CFAP95: variants seen among roughly 807,000 people sequenced by gnomAD.
CFAP95 encodes cilia- and flagella-associated protein 95.
the CFAP95 span, among the ~76,000 whole-genome samples, chr9:69,892,463 T>C: frequency 1.3e-5 from 2 of 152,226 alleles, no homozygotes; most frequent in Non-Finnish European, 2.9e-5. Context: ...TATTGTTTAA[T>C]GAGGCTCTTT....
At chr9:69,835,500 T>C in the CFAP95 span, among the ~76,000 whole-genome samples, 1 of 152,246 alleles carries the variant, frequency 6.6e-6, no homozygotes, top group Non-Finnish European at 1.5e-5. Context: ...TCTATATGCA[T>C]AATTACTCCC....
chr9:69,841,432 G>A, the CFAP95 span, among the ~76,000 whole-genome samples: 1 of 151,870 alleles, frequency 6.6e-6, no homozygotes, highest in Non-Finnish European at 1.5e-5. Flanking sequence ...AAAAACTTGG[G>A]TCTTAGCATA....
chr9:69,886,771 C>CA, the CFAP95 span: 1 of 1,158,518 alleles, frequency 8.6e-7, no homozygotes, highest in Non-Finnish European at 1.3e-6. Context: ...AAAGTGTATA[C>CA]CAATAAAAAT....
At chr9:69,859,864 G>T in the CFAP95 span, among the ~76,000 whole-genome samples, 1 of 152,178 alleles carries the variant, frequency 6.6e-6, no homozygotes, top group Admixed American at 6.5e-5. Context: ...AACAGTGTAG[G>T]CAATTATAAC....
chr9:69,883,547 T>C, the CFAP95 span, among the ~76,000 whole-genome samples: 1 of 152,210 alleles, frequency 6.6e-6, no homozygotes, highest in Admixed American at 6.5e-5. Flanking sequence ...TTGTCCAAGA[T>C]GGCGACGCTC....
the CFAP95 span, among the ~76,000 whole-genome samples, chr9:69,848,237 C>G: frequency 4.6e-5 from 7 of 152,122 alleles, no homozygotes; most frequent in Non-Finnish European, 7.3e-5. Context: ...CCCAGATGTG[C>G]CTCTTGTGGA....
At chr9:69,862,469 T>C in the CFAP95 span, among the ~76,000 whole-genome samples, 1 of 152,228 alleles carries the variant, frequency 6.6e-6, no homozygotes. Context: ...TTTCATACAG[T>C]ACAATGCTGT....
the CFAP95 span, among the ~76,000 whole-genome samples, chr9:69,837,405 T>G: frequency 2.6e-5 from 4 of 151,848 alleles, no homozygotes; most frequent in Non-Finnish European, 4.4e-5. Context: ...GTTTCCTGAC[T>G]TTTTAATGAT....
the CFAP95 span, among the ~76,000 whole-genome samples, chr9:69,900,659 G>T: frequency 2.0e-5 from 3 of 152,146 alleles, no homozygotes; most frequent in African/African-American, 4.8e-5. Flanking sequence ...AGCTCCAATG[G>T]TCGGCTCTGC....
At chr9:69,886,795 C>T in the CFAP95 span, 7 of 1,433,042 alleles carry the variant, frequency 4.9e-6, no homozygotes, top group Non-Finnish European at 2.9e-6. Flanking sequence ...AAATATTTTT[C>T]GTTTTTGAAG....
At chr9:69,878,702 T>G in the CFAP95 span, among the ~76,000 whole-genome samples, 1 of 152,350 alleles carries the variant, frequency 6.6e-6, no homozygotes, top group African/African-American at 2.4e-5. Context: ...ATTTTATTTC[T>G]GTGATTCTGG....
chr9:69,847,874 G>A, the CFAP95 span, among the ~76,000 whole-genome samples: 7 of 152,122 alleles, frequency 4.6e-5, no homozygotes, highest in Admixed American at 1.3e-4. Context: ...GTTTAAAATC[G>A]GACTTACTTT....
At chr9:69,860,566 AC>A in the CFAP95 span, among the ~76,000 whole-genome samples, 2 of 149,042 alleles carry the variant, frequency 1.3e-5, no homozygotes, top group Non-Finnish European at 3.0e-5. Context: ...AAAGAAATTT[AC>A]CTTAGCTTGT....
At chr9:69,858,940 G>A in the CFAP95 span, among the ~76,000 whole-genome samples, 2 of 152,196 alleles carry the variant, frequency 1.3e-5, no homozygotes, top group Non-Finnish European at 2.9e-5. Context: ...GGTAAGTGAT[G>A]TGGAAATACA....
At chr9:69,856,656 C>T in the CFAP95 span, 5 of 1,608,662 alleles carry the variant, frequency 3.1e-6, no homozygotes, top group African/African-American at 2.7e-5. Context: ...AAACAGTGAG[C>T]TCCGGGATTA....
chr9:69,844,710 C>A, the CFAP95 span: 1 of 914,506 alleles, frequency 1.1e-6, no homozygotes, highest in Non-Finnish European at 1.7e-6. Flanking sequence ...GTGTTTTGTG[C>A]AGCACCATCC....
chr9:69,895,551 A>G, the CFAP95 span, among the ~76,000 whole-genome samples: 5 of 152,152 alleles, frequency 3.3e-5, no homozygotes, highest in Non-Finnish European at 7.4e-5. Flanking sequence ...ATGACCAAGT[A>G]TCCTTTCGGA....
At chr9:69,834,444 G>A in the CFAP95 span, among the ~76,000 whole-genome samples, 1 of 152,174 alleles carries the variant, frequency 6.6e-6, no homozygotes, top group Non-Finnish European at 1.5e-5. Context: ...AAGTGTCCCA[G>A]GTGGGATTAT....
At chr9:69,852,191 G>A in the CFAP95 span, among the ~76,000 whole-genome samples, 1 of 151,402 alleles carries the variant, frequency 6.6e-6, no homozygotes, top group Non-Finnish European at 1.5e-5. Context: ...CAACGGTGCA[G>A]AAAAGCTACA....
Sources: gnomAD v4.1 joint callset for allele counts (sites outside exome capture counted in the v4.1 genomes callset) on GRCh38, gnomAD v4.1.1 for gene constraint, MANE v1.5 for transcripts, NCBI Gene and HGNC (gene_info 2026-07-23, HGNC 2026-07-21) for gene names.